Variants in TERF2 observed in about 807,000 individuals in gnomAD.
TERF2 encodes telomeric repeat binding factor 2, also known as telomeric repeat-binding factor 2.
TERF2 carries 16 observed loss-of-function variants against 56.1 expected under a neutral mutation model. That is an observed-to-expected ratio of 0.29 (90% CI 0.19 to 0.43). The LOEUF is 0.43. TERF2 is among the 20% of genes least tolerant of loss of function. TERF2 has a pLI of 1.00. For synonymous variants in TERF2, 296 were observed against 282.1 expected (o/e 1.05, Z -0.50); for missense variants, 547 against 712.9 (o/e 0.77, Z 2.65).
rs748163638 is a variant in TERF2, at chr16:69,370,588, G to A, written c.735C>T (p.Asn245=). ...NDLLNIIREK[N]LAHPVIQNFS... ...AGTTCTGGATAACAGGATGGGCCAA[G>A]TTCTTTTCTCGAATAATATTCAGGA... The change falls in exon 5 of 10, where the codon AAC becomes AAT. Residue 245 remains asparagine, a synonymous_variant. Transcript: ENST00000254942. 9.3e-6 allele frequency: 15 copies of A among 1,613,862 alleles called. 1 individual carries two copies. The East Asian group carries it at 3.3e-4, about 36-fold the overall frequency.
chr16:69,385,141 G>A (rs536400650), intron 2 of TERF2, among the ~76,000 whole-genome samples: 1 of 152,096 alleles, frequency 6.6e-6, no homozygotes, highest in Non-Finnish European at 1.5e-5. Flanking sequence ...CTTTAGACAG[G>A]AGCAAAGTTG....
intron 6 of TERF2, among the ~76,000 whole-genome samples, chr16:69,367,993 T>C (rs1192196394): frequency 6.6e-6 from 1 of 152,180 alleles, no homozygotes; most frequent in African/African-American, 2.4e-5. Context: ...TAACCGGCCC[T>C]CAAAGGGCAT....
intron 5 of TERF2, among the ~76,000 whole-genome samples, chr16:69,370,042 A>T (rs1023812448): frequency 2.0e-5 from 3 of 151,912 alleles, no homozygotes; most frequent in Admixed American, 6.6e-5. Context: ...TTATTTATTT[A>T]TTTTTTGAGA....
intron 3 of TERF2, among the ~76,000 whole-genome samples, chr16:69,375,907 A>G (rs1057101593): frequency 6.6e-6 from 1 of 152,140 alleles, no homozygotes; most frequent in African/African-American, 2.4e-5. Flanking sequence ...GCCCATTTAA[A>G]ACTAGGGTTG....
chr16:69,385,243 G>A (rs776258393), intron 2 of TERF2, 148 bp downstream of exon 2: 42 of 669,466 alleles, frequency 6.3e-5, no homozygotes, highest in Non-Finnish European at 9.6e-5. Context: ...AGCCAGTCGA[G>A]CCAGAAAACA....
At chr16:69,385,082 A>G (rs747907676) in intron 2 of TERF2, among the ~76,000 whole-genome samples, 3 of 152,188 alleles carry the variant, frequency 2.0e-5, no homozygotes, top group African/African-American at 7.2e-5. Flanking sequence ...TCCACTCTGA[A>G]AAACTCTCTA....
chr16:69,382,756 T>C (rs75927521), intron 3 of TERF2, among the ~76,000 whole-genome samples: 3,161 of 152,290 alleles, frequency 0.021, 29 homozygotes, highest in Non-Finnish European at 0.026. Flanking sequence ...AGGGAAGCAG[T>C]TGAGTCTTGA....
At chr16:69,366,598 T>G in intron 7 of TERF2, 1 of 593,284 alleles carries the variant, frequency 1.7e-6, no homozygotes, top group South Asian at 2.7e-5. Context: ...CATGCCCTAG[T>G]GCAAGGCTTG....
chr16:69,368,643 T>C, intron 5 of TERF2, 161 bp from the exon 6 acceptor site: 4 of 1,520,536 alleles, frequency 2.6e-6, no homozygotes, highest in Non-Finnish European at 3.5e-6. Flanking sequence ...TTGTAAGACT[T>C]ATAAATCAAG....
intron 6 of TERF2, among the ~76,000 whole-genome samples, 178 bp downstream of exon 6, chr16:69,368,198 C>A (rs540967463): frequency 2.0e-5 from 3 of 152,326 alleles, no homozygotes; most frequent in Non-Finnish European, 4.4e-5. Context: ...GGACCCCAGG[C>A]ATCCTGTTTC....
Position 69,366,636 on chromosome 16 carries a change from G to A in TERF2, c.1340+171C>T, listed in dbSNP as rs895675370. 6.1e-5 allele frequency: 52 copies of A among 847,792 alleles called. 2 individuals are homozygous for A. The South Asian group carries it at 6.8e-4, about 11-fold the overall frequency. The allele number at this position is 847,792 out of a possible 1,614,324, so 52.5% of individuals were successfully genotyped here. On this transcript the variant is annotated intron_variant, in intron 7 of 9. Transcript: ENST00000254942. ...AGCCCACATGCGGGGCTTCAGAACC[G>A]GCAGGGATGGCTACGTCGTCACTGG... is the stretch of plus-strand genomic sequence containing the variant.
intron 8 of TERF2, 21 bp downstream of exon 8, chr16:69,361,383 C>T (rs2013132826): frequency 6.4e-7 from 1 of 1,565,098 alleles, no homozygotes; most frequent in Non-Finnish European, 8.8e-7. Context: ...AAGAAGAGGC[C>T]AAGGAGAATC....
At chr16:69,382,396 T>G (rs906332187) in intron 3 of TERF2, among the ~76,000 whole-genome samples, 3 of 152,210 alleles carry the variant, frequency 2.0e-5, no homozygotes, top group Admixed American at 2.0e-4. Flanking sequence ...ATTGAAGAGA[T>G]GGATGAAATA....
intron 4 of TERF2, among the ~76,000 whole-genome samples, chr16:69,371,578 G>A (rs576939776): frequency 2.6e-5 from 4 of 151,896 alleles, no homozygotes; most frequent in Non-Finnish European, 5.9e-5. Context: ...ACTTTGGGAG[G>A]CCGAGGTGGT....
In TERF2 at chr16:69,356,286, G is replaced by A. The variant is rs1288750191; in HGVS notation, c.*612C>T. On this transcript the variant is annotated 3_prime_UTR_variant, in exon 10 of 10. Transcript: ENST00000254942. ...CCATTTCCTAGGAGAAGGTTCTACAGATTACCAGGGATTTAAATTTAAGCA... is the reference window on the plus strand; with the variant it reads ...CCATTTCCTAGGAGAAGGTTCTACAAATTACCAGGGATTTAAATTTAAGCA... The A allele has an allele frequency of 2.4e-6, 1 of 422,404 alleles. No individual in the cohort carries two copies. The highest frequency in any genetic ancestry group is 4.6e-6 in the Non-Finnish European group (1 of 215,334). The allele number at this position is 422,404 out of a possible 1,614,324, so 26.2% of individuals were successfully genotyped here. A position where few individuals can be genotyped will look rare whatever the true frequency, so the allele number is the denominator to read the frequency against.
intron 8 of TERF2, among the ~76,000 whole-genome samples, chr16:69,358,027 G>A (rs2012979893): frequency 7.4e-6 from 1 of 135,370 alleles, no homozygotes; most frequent in Non-Finnish European, 1.6e-5. Context: ...TTGTTTGTTT[G>A]TTTGAGAAGG....
At chr16:69,375,989 A>T (rs1347289929) in intron 3 of TERF2, among the ~76,000 whole-genome samples, 1 of 152,138 alleles carries the variant, frequency 6.6e-6, no homozygotes, top group Non-Finnish European at 1.5e-5. Context: ...TGATTTGTAA[A>T]TATTTTCTCC....
Position 69,382,198 on chromosome 16 carries a change from G to C in TERF2, c.606+2382C>G, listed in dbSNP as rs527982281. On this transcript the variant is annotated intron_variant, in intron 3 of 9. Transcript: ENST00000254942. ...AGAGATCCCTAGACCATGCACTGAG[G>C]GTTCTAACTTAACAAATAACTTACT... Among the ~76,000 whole-genome samples the C allele has an allele frequency of 8.7e-4, 133 of 152,284 alleles. 4 individuals are homozygous for C. In the South Asian group the frequency reaches 0.026, roughly 30 times the overall value.
chr16:69,359,288 G>A (rs1478293961), intron 8 of TERF2, among the ~76,000 whole-genome samples: 1 of 152,120 alleles, frequency 6.6e-6, no homozygotes, highest in Non-Finnish European at 1.5e-5. Flanking sequence ...AGCACTTTGG[G>A]AGGCCAAGGC....
Sources: allele counts gnomAD v4.1 joint callset (sites outside exome capture counted in the v4.1 genomes callset), GRCh38; gene constraint gnomAD v4.1.1; transcripts MANE v1.5; gene names NCBI Gene and HGNC (gene_info 2026-07-23, HGNC 2026-07-21).